The following FBH1 variants were observed in gnomAD, a reference collection of about 807,000 sequenced individuals.
The protein encoded by FBH1 is F-box DNA helicase 1.
FBH1 carries 43 observed loss-of-function variants against 115.5 expected under a neutral mutation model. That is an observed-to-expected ratio of 0.37 (90% CI 0.29 to 0.48). The LOEUF (loss-of-function observed/expected upper bound fraction) is 0.48. FBH1 is among the 20% of genes least tolerant of loss of function. FBH1 has a pLI of 0.99. For missense variants in FBH1, 1,001 were observed against 1,337.3 expected, an observed-to-expected ratio of 0.75 and a Z score of 3.92; for synonymous variants, 524 against 507.8, an observed-to-expected ratio of 1.03 and a Z score of -0.43.
Position 5,923,454 on chromosome 10 carries a change from C to T in FBH1, c.2323-167C>T. On this transcript the variant is annotated intron_variant, in intron 15 of 20. Coordinates refer to ENST00000362091, the MANE Select transcript of FBH1 (RefSeq NM_178150.3). The surrounding 1 kb of genome is among the most constrained non-coding windows in gnomAD (Gnocchi z 5.7). ...GCTTTCTGCTTCATGAAGTTTCCTG[C>T]TTGCCGCCTGTGCTTTGGGTGTCAC... is the stretch of plus-strand genomic sequence containing the variant. The T allele has an allele frequency of 1.7e-6, 1 of 585,812 alleles. No individual in the cohort carries two copies. The highest frequency in any genetic ancestry group is 3.9e-4 in the Middle Eastern group (1 of 2,544). 36.3% of individuals were successfully genotyped at this position (585,812 alleles called of 1,614,324 possible).
chr10:5,890,514 C>T (rs576002252), intron 1 of FBH1, among the ~76,000 whole-genome samples, 168 bp downstream of exon 1: 25 of 149,950 alleles, frequency 1.7e-4, no homozygotes, highest in African/African-American at 5.9e-4. Flanking sequence ...CTCGGCCGTC[C>T]GGGCCGTGGG....
rs11255794 is a variant in FBH1 at position 5,900,519 on chromosome 10, C to T, written c.2-2501C>T. 0.013 allele frequency among the ~76,000 whole-genome samples: 1,970 copies of T among 152,326 alleles called. 43 individuals are homozygous for T. The highest frequency in any genetic ancestry group is 0.044 in the African/African-American group (1,833 of 41,566). On this transcript the variant is annotated intron_variant, in intron 1 of 20. Transcript: ENST00000362091. This position sits in a 1 kb window ranked among gnomAD's most constrained non-coding sequence, Gnocchi z 4.2. ...CGCATCTGTGATTGCTGAGGCCTGG[C>T]GCTCATGGGGTTGCACCCAGCTTCT... is the stretch of plus-strand genomic sequence containing the variant.
chr10:5,925,161 G>T lies in FBH1; in HGVS notation c.2597-206G>T, dbSNP rs567585214. 2 of 594,796 alleles carry T rather than the reference G, an allele frequency of 3.4e-6. No homozygotes were observed. The highest frequency in any genetic ancestry group is 2.1e-5 in the South Asian group (1 of 47,620). 36.8% of individuals were successfully genotyped at this position (594,796 alleles called of 1,614,324 possible). A position where few individuals can be genotyped will look rare whatever the true frequency, so the allele number is the denominator to read the frequency against. ...GTTAACTCTCCTGCAACTAATTTTC[G>T]ACTTTTCCCCTCGTCTTTTTCTTTT... On this transcript the variant is annotated intron_variant, in intron 17 of 20. Coordinates refer to ENST00000362091, the MANE Select transcript of FBH1 (RefSeq NM_178150.3). The surrounding 1 kb of genome is among the most constrained non-coding windows in gnomAD (Gnocchi z 4.6).
At chr10:5,901,494 A>C (rs1020533177) in intron 1 of FBH1, among the ~76,000 whole-genome samples, 1 of 151,276 alleles carries the variant, frequency 6.6e-6, no homozygotes, top group African/African-American at 2.4e-5. Flanking sequence ...AAAATATGAT[A>C]CTGGTAGAAC....
rs1295086102 is a variant in FBH1 at position 5,895,284 on chromosome 10, G to T, written c.1+4938G>T. On this transcript the variant is annotated intron_variant, in intron 1 of 20. Transcript: ENST00000362091. The surrounding 1 kb of genome is among the most constrained non-coding windows in gnomAD (Gnocchi z 5.0). ...CTCTGTGGATCTTTGTTAAAGTTGG[G>T]TATGGTATTGTAGCAGTTTCTCCAG... is the stretch of plus-strand genomic sequence containing the variant. The T allele has an allele frequency of 2.9e-6, 4 of 1,363,290 alleles. No individual in the cohort carries two copies. In the Admixed American group the frequency reaches 7.6e-5, roughly 26 times the overall value. The allele number at this position is 1,363,290 out of a possible 1,614,324, so 84.4% of individuals were successfully genotyped here.
At position 5,935,914 on chromosome 10, in the gene FBH1, G is replaced by C. The variant is rs2132160360; in HGVS notation, c.2830-542G>C. Reference sequence around the variant, plus strand: ...CCTGCGTGCCAGGCGTGAGTGCTTTGCATGCATTGAAGGGTTTCTTCTCCT... The same window carrying C: ...CCTGCGTGCCAGGCGTGAGTGCTTTCCATGCATTGAAGGGTTTCTTCTCCT... On this transcript the variant is annotated intron_variant, in intron 19 of 20. Transcript: ENST00000362091. The surrounding 1 kb of genome is among the most constrained non-coding windows in gnomAD (Gnocchi z 5.2). 1 of 153,502 alleles carries C rather than the reference G, an allele frequency of 6.5e-6. No individual in the cohort carries two copies. Among genetic ancestry groups the C allele is most frequent in the Admixed American group, 6.4e-5 (1 of 15,522 alleles). The allele number at this position is 153,502 out of a possible 1,614,324, so 9.5% of individuals were successfully genotyped here. A position where few individuals can be genotyped will look rare whatever the true frequency, so the allele number is the denominator to read the frequency against.
Position 5,909,411 on chromosome 10 carries a change from T to C in FBH1, c.1020+117T>C. ...TTATTTTTAATGTCTGTATTTAATC[T>C]CTGAATGCTTTGAAGCATTCATGTT... On this transcript the variant is annotated intron_variant, in intron 5 of 20. Transcript: ENST00000362091. The surrounding 1 kb of genome is among the most constrained non-coding windows in gnomAD (Gnocchi z 4.4). 1 of 1,216,226 alleles carries C rather than the reference T, an allele frequency of 8.2e-7. No individual in the cohort carries two copies. Among genetic ancestry groups the C allele is most frequent in the Non-Finnish European group, 1.1e-6 (1 of 896,732 alleles). The allele number at this position is 1,216,226 out of a possible 1,614,324, so 75.3% of individuals were successfully genotyped here. A position where few individuals can be genotyped will look rare whatever the true frequency, so the allele number is the denominator to read the frequency against.
Position 5,909,110 on chromosome 10 carries a change from A to ACC in FBH1, c.885-49_885-48insCC. ...GTCTTTGAAGTCTTCCTTGTACATC[A>ACC]GTGCTTATGGTCACCCTACTCATGG... On this transcript the variant is annotated intron_variant, in intron 4 of 20. Coordinates refer to ENST00000362091, the MANE Select transcript of FBH1 (RefSeq NM_178150.3). The surrounding 1 kb of genome is among the most constrained non-coding windows in gnomAD (Gnocchi z 4.4). 1 of 1,613,578 alleles carries ACC rather than the reference A, an allele frequency of 6.2e-7. No individual in the cohort carries two copies. The highest frequency in any genetic ancestry group is 8.5e-7 in the Non-Finnish European group (1 of 1,179,878).
rs1843291801 is a variant in FBH1 at position 5,900,617 on chromosome 10, G to T, written c.2-2403G>T. Among the ~76,000 whole-genome samples, 1 of 152,214 alleles carries T rather than the reference G, an allele frequency of 6.6e-6. No individual in the cohort carries two copies. Among genetic ancestry groups the T allele is most frequent in the African/African-American group, 2.4e-5 (1 of 41,454 alleles). ...CAGAACTGCTTTTGTTTGTAGAATT[G>T]ATTTTGGAAAAGTCTTAAAATATTC... On this transcript the variant is annotated intron_variant, in intron 1 of 20. Coordinates refer to ENST00000362091, the MANE Select transcript of FBH1 (RefSeq NM_178150.3). This position sits in a 1 kb window ranked among gnomAD's most constrained non-coding sequence, Gnocchi z 4.2.
intron 1 of FBH1, chr10:5,890,947 T>C (rs1842680867): frequency 6.5e-6 from 1 of 154,336 alleles, no homozygotes; most frequent in South Asian, 2.1e-4. Flanking sequence ...TCGATTCCTT[T>C]AGGGAGTAGA....
chr10:5,891,431 G>A (rs978580275), intron 1 of FBH1, among the ~76,000 whole-genome samples: 10 of 152,190 alleles, frequency 6.6e-5, no homozygotes, highest in African/African-American at 2.4e-4. Context: ...GTGCCAAGCA[G>A]TGTTCTGCTG....
At position 5,892,295 on chromosome 10, in the gene FBH1, T is replaced by A. The variant is rs1485740373; in HGVS notation, c.1+1949T>A. On this transcript the variant is annotated intron_variant, in intron 1 of 20. Transcript: ENST00000362091. Reference sequence around the variant, plus strand: ...TTCCTCCTGTTTTTCATGGGTATGCTGTTGAGCATGCCCATTGGTACACTG... The same window carrying A: ...TTCCTCCTGTTTTTCATGGGTATGCAGTTGAGCATGCCCATTGGTACACTG... Among the ~76,000 whole-genome samples, 4 of 152,246 alleles carry A rather than the reference T, an allele frequency of 2.6e-5. No homozygotes were observed. In the East Asian group the frequency reaches 7.7e-4, roughly 29 times the overall value.
rs368608871 is a variant in FBH1, at chr10:5,908,945, G to A, written c.774G>A (p.Leu258=). 4.3e-6 allele frequency: 7 copies of A among 1,614,128 alleles called. No homozygotes were observed. In the Admixed American group the frequency reaches 6.7e-5, roughly 15 times the overall value. The change falls in exon 4 of 21, where the codon CTG becomes CTA. Residue 258 remains leucine (L), a synonymous_variant. Transcript: ENST00000362091. ...SDPLFIPWKK[L]YHRYLMNEEQ... Reference sequence around the variant, plus strand: ...CATAGTTCATTCCTTGGAAGAAGCTGTACCATCGATACCTGATGAATGAAG... The same window carrying A: ...CATAGTTCATTCCTTGGAAGAAGCTATACCATCGATACCTGATGAATGAAG...
chr10:5,909,403 A>T lies in FBH1; in HGVS notation c.1020+109A>T. 7.8e-7 allele frequency: 1 copy of T among 1,276,142 alleles called. No individual in the cohort carries two copies. The highest frequency in any genetic ancestry group is 2.5e-5 in the East Asian group (1 of 40,172). 79.1% of individuals were successfully genotyped at this position (1,276,142 alleles called of 1,614,324 possible). On this transcript the variant is annotated intron_variant, in intron 5 of 20. Coordinates refer to ENST00000362091, the MANE Select transcript of FBH1 (RefSeq NM_178150.3). This position sits in a 1 kb window ranked among gnomAD's most constrained non-coding sequence, Gnocchi z 4.4. ...CTTTATATTTATTTTTAATGTCTGT[A>T]TTTAATCTCTGAATGCTTTGAAGCA... is the stretch of plus-strand genomic sequence containing the variant.
intron 2 of FBH1, 80 bp from the exon 3 acceptor site, chr10:5,905,940 CATAGATAATTGAAAATT>C: frequency 1.2e-6 from 1 of 827,200 alleles, no homozygotes; most frequent in South Asian, 1.8e-5. Flanking sequence ...CCACTATTAA[CATAGATAATTGAAAATT>C]AGTGTGTCTT....
Position 5,936,883 on chromosome 10 carries a change from G to T in FBH1, c.2962-227G>T. ...GCAGCTTTTCTTGGTTCTTTATCTT[G>T]ACTGGATAAATGACTGTTTCTGAGC... On this transcript the variant is annotated intron_variant, in intron 20 of 20. Coordinates refer to ENST00000362091, the MANE Select transcript of FBH1 (RefSeq NM_178150.3). The surrounding 1 kb of genome is among the most constrained non-coding windows in gnomAD (Gnocchi z 5.6). 1 of 609,680 alleles carries T rather than the reference G, an allele frequency of 1.6e-6. No homozygotes were observed. 37.8% of individuals were successfully genotyped at this position (609,680 alleles called of 1,614,324 possible).
At chr10:5,894,281 C>T in intron 1 of FBH1, 1 of 1,442,010 alleles carries the variant, frequency 6.9e-7, no homozygotes, top group Non-Finnish European at 9.1e-7. Flanking sequence ...TGGTATTTTC[C>T]TTATAGTTAT....
chr10:5,891,384 G>A (rs1842717088), intron 1 of FBH1, among the ~76,000 whole-genome samples: 1 of 152,160 alleles, frequency 6.6e-6, no homozygotes, highest in Non-Finnish European at 1.5e-5. Context: ...AAAAAGGAAG[G>A]CATAAAAGTT....
Position 5,921,315 on chromosome 10 carries a change from AAG to A in FBH1, c.2163_2164del (p.Arg721SerfsTer16). The A allele has an allele frequency of 6.2e-7, 1 of 1,614,220 alleles. No homozygotes were observed. The highest frequency in any genetic ancestry group is 2.2e-5 in the East Asian group (1 of 44,886). On this transcript the variant is annotated frameshift_variant, in exon 14 of 21. Coordinates refer to ENST00000362091, the MANE Select transcript of FBH1 (RefSeq NM_178150.3). LOFTEE classifies it high-confidence loss of function. This position sits in a 1 kb window ranked among gnomAD's most constrained non-coding sequence, Gnocchi z 6.4. ...YVGATILDVC[K>X]RVRKKTLVGG... ...GGGAGCTACTATCTTGGATGTTTGCAAGAGAGTCAGGAAAAAGACTTTGGTTG... is the reference window on the plus strand; with the variant it reads ...GGGAGCTACTATCTTGGATGTTTGCAAGAGTCAGGAAAAAGACTTTGGTTG...
Sources: allele counts gnomAD v4.1 joint callset (sites outside exome capture counted in the v4.1 genomes callset), GRCh38; gene constraint gnomAD v4.1.1; non-coding constraint Gnocchi (gnomAD v3.1); transcripts MANE v1.5; gene names NCBI Gene and HGNC (gene_info 2026-07-23, HGNC 2026-07-21).